Variants in TTC7B observed in about 807,000 individuals in gnomAD.
TTC7B encodes the protein tetratricopeptide repeat domain 7B.
Under a neutral mutation model 106.8 loss-of-function variants are expected in TTC7B, and 28 were observed. The ratio of observed to expected loss-of-function variants is 0.26; its 90% CI spans 0.19 to 0.36. The LOEUF is 0.36. TTC7B is among the 10% of genes least tolerant of loss of function. The probability of loss-of-function intolerance (pLI) is 1.00; values close to 1 mark genes in which losing one functional copy is unlikely to be tolerated. For synonymous variants in TTC7B, 405 were observed against 430.6 expected (o/e 0.94, Z 0.74); for missense variants, 862 against 1,076.4 (o/e 0.80, Z 2.79).
At position 90,583,918 on chromosome 14, in the gene TTC7B, C is replaced by T. The variant is rs141394413; in HGVS notation, c.2108-5610G>A. ...TTTAAAATTCAAAATCAGGGCCCTG[C>T]CGCCTTTCCAACCTCCTCTTTTGCC... On this transcript the variant is annotated intron_variant, in intron 18 of 19. Transcript: ENST00000328459. 4.8e-4 allele frequency among the ~76,000 whole-genome samples: 73 copies of T among 152,308 alleles called. No individual in the cohort carries two copies. In the East Asian group the frequency reaches 0.013, roughly 27 times the overall value.
chr14:90,541,970 C>G (rs549595014), intron 19 of TTC7B, among the ~76,000 whole-genome samples: 2 of 152,302 alleles, frequency 1.3e-5, no homozygotes, highest in East Asian at 3.9e-4. Context: ...GATGGAGTCT[C>G]GCTCTGTCAT....
At chr14:90,730,673 T>C (rs985892204) in intron 4 of TTC7B, among the ~76,000 whole-genome samples, 1 of 152,140 alleles carries the variant, frequency 6.6e-6, no homozygotes, top group African/African-American at 2.4e-5. Flanking sequence ...GCACTAGCCC[T>C]GGAATCAACC....
At chr14:90,565,049 C>A (rs1890731420) in intron 19 of TTC7B, among the ~76,000 whole-genome samples, 1 of 152,224 alleles carries the variant, frequency 6.6e-6, no homozygotes, top group Admixed American at 6.5e-5. Flanking sequence ...GCTTCTTAAA[C>A]CTCATGAACT....
chr14:90,543,632 T>G (rs1221027166), intron 19 of TTC7B, among the ~76,000 whole-genome samples: 1 of 152,250 alleles, frequency 6.6e-6, no homozygotes, highest in African/African-American at 2.4e-5. Context: ...CAAAATCAGT[T>G]TCTTCATTCC....
At chr14:90,685,293 C>T (rs575501102) in intron 7 of TTC7B, among the ~76,000 whole-genome samples, 1 of 152,312 alleles carries the variant, frequency 6.6e-6, no homozygotes, top group Admixed American at 6.5e-5. Context: ...CCCTTTCCCA[C>T]CTCCAAACCA....
chr14:90,681,446 A>G (rs548139136), intron 7 of TTC7B, among the ~76,000 whole-genome samples: 3 of 152,180 alleles, frequency 2.0e-5, no homozygotes, highest in Middle Eastern at 3.4e-3. Flanking sequence ...TAATATTACA[A>G]TCATGTAATT....
intron 9 of TTC7B, among the ~76,000 whole-genome samples, chr14:90,661,607 G>T (rs952669754): frequency 6.6e-6 from 1 of 152,080 alleles, no homozygotes; most frequent in Non-Finnish European, 1.5e-5. Flanking sequence ...CACGGGAGCC[G>T]GTATGTGGAG....
chr14:90,550,909 T>C (rs1248368041), intron 19 of TTC7B, among the ~76,000 whole-genome samples: 1 of 152,096 alleles, frequency 6.6e-6, no homozygotes, highest in Admixed American at 6.5e-5. Context: ...CCCTTGTCTA[T>C]GCTCCCAAGT....
intron 5 of TTC7B, among the ~76,000 whole-genome samples, chr14:90,720,150 A>T (rs530697045): frequency 6.6e-6 from 1 of 152,148 alleles, no homozygotes; most frequent in Non-Finnish European, 1.5e-5. Context: ...ACTAAACAAT[A>T]AGATCACCAC....
At chr14:90,598,128 G>A (rs1053583049) in intron 17 of TTC7B, among the ~76,000 whole-genome samples, 3 of 152,170 alleles carry the variant, frequency 2.0e-5, no homozygotes, top group East Asian at 1.9e-4. Flanking sequence ...CTCCGTCTAG[G>A]AGACAATGCG....
In TTC7B at chr14:90,614,269, A is replaced by T. The variant is rs145264821; in HGVS notation, c.1869-3430T>A. ...AGATCACACGACCTTGGCCCATTTT[A>T]TGGAGCTGCTTCAAAGATAGAATGA... On this transcript the variant is annotated intron_variant, in intron 16 of 19. Coordinates refer to ENST00000328459, the MANE Select transcript of TTC7B (RefSeq NM_001010854.2). Among the ~76,000 whole-genome samples the T allele has an allele frequency of 4.7e-3, 713 of 152,338 alleles. 5 individuals are homozygous for T. Among genetic ancestry groups the T allele is most frequent in the African/African-American group, 0.015 (639 of 41,580 alleles).
At chr14:90,639,038 A>G (rs1215840595) in intron 15 of TTC7B, among the ~76,000 whole-genome samples, 1 of 152,188 alleles carries the variant, frequency 6.6e-6, no homozygotes, top group Non-Finnish European at 1.5e-5. Flanking sequence ...CCATACACAC[A>G]TAAAACAGTC....
chr14:90,660,395 C>CAAAAAAAAAAAAAAAAAAAAAAAAAA (rs57030874), intron 9 of TTC7B, among the ~76,000 whole-genome samples: 3 of 40,890 alleles, frequency 7.3e-5, no homozygotes, highest in South Asian at 9.6e-4. Context: ...CACCCTGTCT[C>CAAAAAAAAAAAAAAAAAAAAAAAAAA]AAAAAAAAAA....
At chr14:90,768,282 A>G (rs1890752147) in intron 3 of TTC7B, among the ~76,000 whole-genome samples, 1 of 152,260 alleles carries the variant, frequency 6.6e-6, no homozygotes, top group South Asian at 2.1e-4. Flanking sequence ...ACAGTTCCAC[A>G]TAGCTGGGGA....
In TTC7B at chr14:90,757,919, T is replaced by G. The variant is rs567024444; in HGVS notation, c.446-12997A>C. 9.2e-5 allele frequency among the ~76,000 whole-genome samples: 14 copies of G among 152,290 alleles called. No homozygotes were observed. Among genetic ancestry groups the G allele is most frequent in the African/African-American group, 3.1e-4 (13 of 41,570 alleles). On this transcript the variant is annotated intron_variant, in intron 3 of 19. Transcript: ENST00000328459. The surrounding 1 kb of genome is among the most constrained non-coding windows in gnomAD (Gnocchi z 4.1). ...AGGAAACGCACCTTTACATCCTTTC[T>G]CTTTGTAAATACCCACGCATTGAAT... is the stretch of plus-strand genomic sequence containing the variant.
At chr14:90,756,453 G>A (rs1890305596) in intron 3 of TTC7B, among the ~76,000 whole-genome samples, 1 of 150,600 alleles carries the variant, frequency 6.6e-6, no homozygotes, top group South Asian at 2.1e-4. Context: ...GAGTGCAATG[G>A]CGCGATCTCG....
Position 90,816,315 on chromosome 14 carries a change from G to C in TTC7B, c.-20C>G, listed in dbSNP as rs2031188171. On this transcript the variant is annotated 5_prime_UTR_variant, in exon 1 of 20. Transcript: ENST00000328459. Reference sequence around the variant, plus strand: ...CGCCATCGCGGCCTGGCCGGGCCCGGCCGCCCGCCCCGCAGGCCCCACCGC... The same window carrying C: ...CGCCATCGCGGCCTGGCCGGGCCCGCCCGCCCGCCCCGCAGGCCCCACCGC... 4.5e-6 allele frequency: 5 copies of C among 1,111,742 alleles called. No homozygotes were observed. Among genetic ancestry groups the C allele is most frequent in the Middle Eastern group, 4.0e-4 (1 of 2,522 alleles). 68.9% of individuals were successfully genotyped at this position (1,111,742 alleles called of 1,614,324 possible). A position where few individuals can be genotyped will look rare whatever the true frequency, so the allele number is the denominator to read the frequency against.
intron 1 of TTC7B, among the ~76,000 whole-genome samples, chr14:90,795,630 C>G (rs1228652774): frequency 2.0e-5 from 3 of 152,192 alleles, no homozygotes; most frequent in Non-Finnish European, 4.4e-5. Context: ...AGTTTTCTCA[C>G]TTGGGTATCA....
chr14:90,802,969 T>TAAAAA lies in TTC7B; in HGVS notation c.121+13201_121+13205dup, dbSNP rs34070744. Among the ~76,000 whole-genome samples, 1 of 141,488 alleles carries TAAAAA rather than the reference T, an allele frequency of 7.1e-6. No homozygotes were observed. The highest frequency in any genetic ancestry group is 2.6e-5 in the African/African-American group (1 of 37,958). The allele number at this position is 141,488 out of a possible 152,430, so 92.8% of individuals were successfully genotyped here. On this transcript the variant is annotated intron_variant, in intron 1 of 19. Transcript: ENST00000328459. The surrounding 1 kb of genome is among the most constrained non-coding windows in gnomAD (Gnocchi z 4.7). The stretch of plus-strand genomic sequence containing the variant: ...CAACATGGTGAAACCCCATCTCTGC[T>TAAAAA]AAAAAAAAAAAAAAATACAAAAAAT...
Sources: gnomAD v4.1 joint callset for allele counts (sites outside exome capture counted in the v4.1 genomes callset) on GRCh38, gnomAD v4.1.1 for gene constraint, Gnocchi (gnomAD v3.1) non-coding constraint, MANE v1.5 for transcripts, NCBI Gene and HGNC (gene_info 2026-07-23, HGNC 2026-07-21) for gene names.